TENM3: variants seen among roughly 807,000 people sequenced by gnomAD.
TENM3 encodes the protein teneurin-3.
In TENM3, 63 loss-of-function variants were observed where a neutral mutation model predicts 255.1. The ratio of observed to expected loss-of-function variants is 0.25; its 90% confidence interval spans 0.20 to 0.30. TENM3 has a LOEUF of 0.30. Ranked by LOEUF, TENM3 falls within the 10% of genes least tolerant of loss-of-function variation. The pLI is 1.00. For missense variants in TENM3, 2,929 were observed against 3,461.1 expected (o/e 0.85, Z 3.86); for synonymous variants, 1,306 against 1,322.3 (o/e 0.99, Z 0.27).
At chr4:181,773,736 T>C in the TENM3 span, among the ~76,000 whole-genome samples, 1 of 152,154 alleles carries the variant, frequency 6.6e-6, no homozygotes, top group African/African-American at 2.4e-5. Context: ...CAGATTTTAT[T>C]TTTATTCTAT....
the TENM3 span, among the ~76,000 whole-genome samples, chr4:181,541,231 T>G: frequency 6.6e-6 from 1 of 151,718 alleles, no homozygotes; most frequent in East Asian, 1.9e-4. Flanking sequence ...AATTAAAATA[T>G]AAAAAGCCAG....
At chr4:181,705,044 A>T in the TENM3 span, among the ~76,000 whole-genome samples, 1 of 31,956 alleles carries the variant, frequency 3.1e-5, no homozygotes, top group East Asian at 1.8e-3. Flanking sequence ...TCAAAAACAA[A>T]ACAAAACAAA....
At chr4:181,717,807 A>G in the TENM3 span, among the ~76,000 whole-genome samples, 1 of 152,190 alleles carries the variant, frequency 6.6e-6, no homozygotes, top group Non-Finnish European at 1.5e-5. Context: ...AACCAATTCA[A>G]TCGTATTTAA....
At chr4:181,565,001 C>T in the TENM3 span, among the ~76,000 whole-genome samples, 1 of 152,152 alleles carries the variant, frequency 6.6e-6, no homozygotes, top group Admixed American at 6.5e-5. Context: ...ATCCGAGGAC[C>T]TCCAAATCCC....
At chr4:182,342,278 A>G (rs1764535075) in intron 2 of TENM3, among the ~76,000 whole-genome samples, 1 of 152,258 alleles carries the variant, frequency 6.6e-6, no homozygotes, top group African/African-American at 2.4e-5. Context: ...TAGTGTGTCC[A>G]TACAATGGAA....
chr4:181,858,105 G>A, the TENM3 span, among the ~76,000 whole-genome samples: 1 of 152,282 alleles, frequency 6.6e-6, no homozygotes, highest in African/African-American at 2.4e-5. Context: ...TTTGGCATGT[G>A]TATATTATGT....
At chr4:182,791,333 C>A (rs1427085305) in intron 25 of TENM3, among the ~76,000 whole-genome samples, 1 of 152,180 alleles carries the variant, frequency 6.6e-6, no homozygotes, top group Non-Finnish European at 1.5e-5. Flanking sequence ...TTTGGCCCAG[C>A]GGGTTAGAGG....
At chr4:181,597,012 C>T in the TENM3 span, among the ~76,000 whole-genome samples, 1 of 151,958 alleles carries the variant, frequency 6.6e-6, no homozygotes, top group Non-Finnish European at 1.5e-5. Context: ...TACAGCAAAC[C>T]CCATGATACA....
chr4:181,675,767 A>T, the TENM3 span, among the ~76,000 whole-genome samples: 2 of 152,038 alleles, frequency 1.3e-5, no homozygotes, highest in Non-Finnish European at 2.9e-5. Context: ...TCTGAAAATA[A>T]TTTTTTTGCA....
chr4:181,973,589 A>G, the TENM3 span, among the ~76,000 whole-genome samples: 612 of 152,168 alleles, frequency 4.0e-3, 18 homozygotes, highest in South Asian at 0.057. Context: ...TGTCTCTACA[A>G]GAAAAAAAAT....
At chr4:181,667,394 C>T in the TENM3 span, among the ~76,000 whole-genome samples, 1 of 152,152 alleles carries the variant, frequency 6.6e-6, no homozygotes, top group Non-Finnish European at 1.5e-5. Flanking sequence ...ATAACAATGG[C>T]TCGCAAACCA....
At chr4:182,167,022 A>G (rs1393284669) in intron 1 of TENM3, among the ~76,000 whole-genome samples, 1 of 152,188 alleles carries the variant, frequency 6.6e-6, no homozygotes, top group East Asian at 1.9e-4. Context: ...TATAAGATAG[A>G]GTTAATCTAA....
chr4:181,990,189 G>A, the TENM3 span, among the ~76,000 whole-genome samples: 1 of 152,030 alleles, frequency 6.6e-6, no homozygotes, highest in Admixed American at 6.6e-5. Context: ...TGCTATTTAA[G>A]CTTCATCTAG....
chr4:182,688,727 T>A (rs1284493429), intron 12 of TENM3, among the ~76,000 whole-genome samples: 2 of 152,368 alleles, frequency 1.3e-5, no homozygotes, highest in Non-Finnish European at 2.9e-5. Context: ...GCTTTAAATT[T>A]TTTTCAAATA....
chr4:182,445,922 T>C (rs1282910111), intron 3 of TENM3, among the ~76,000 whole-genome samples: 3 of 152,244 alleles, frequency 2.0e-5, no homozygotes, highest in Admixed American at 6.5e-5. Flanking sequence ...ATCATCGATA[T>C]GGCAAACTAT....
chr4:181,532,863 CTTA>C, the TENM3 span, among the ~76,000 whole-genome samples: 3 of 152,250 alleles, frequency 2.0e-5, no homozygotes, highest in Non-Finnish European at 4.4e-5. Flanking sequence ...TTTTCAGCAT[CTTA>C]TTATGCATTC....
chr4:181,460,752 A>G, the TENM3 span, among the ~76,000 whole-genome samples: 6 of 149,898 alleles, frequency 4.0e-5, no homozygotes, highest in African/African-American at 1.2e-4. Context: ...AGTAACATAT[A>G]CCACTTCACA....
chr4:182,397,029 C>T (rs1254812516), intron 3 of TENM3, among the ~76,000 whole-genome samples: 11 of 151,176 alleles, frequency 7.3e-5, no homozygotes, highest in Admixed American at 4.0e-4. Flanking sequence ...AATGAAAAGC[C>T]GTAAGTTTAA....
chr4:181,793,206 A>C, the TENM3 span, among the ~76,000 whole-genome samples: 1 of 152,214 alleles, frequency 6.6e-6, no homozygotes, highest in Non-Finnish European at 1.5e-5. Flanking sequence ...CCGGCGATCC[A>C]GCTGCATGAA....
Sources: gnomAD v4.1 joint callset for allele counts (sites outside exome capture counted in the v4.1 genomes callset) on GRCh38, gnomAD v4.1.1 for gene constraint, MANE v1.5 for transcripts, NCBI Gene and HGNC (gene_info 2026-07-23, HGNC 2026-07-21) for gene names.